CPD: variants seen among roughly 807,000 people sequenced by gnomAD.
The protein encoded by CPD is carboxypeptidase D, also known as metallocarboxypeptidase D.
A neutral mutation model predicts 138.3 loss-of-function variants in CPD; 69 were observed. The ratio of observed to expected loss-of-function variants is 0.50; its 90% CI spans 0.41 to 0.61. The LOEUF (loss-of-function observed/expected upper bound fraction) is 0.61. CPD is among the 20% of genes least tolerant of loss of function. The probability of loss-of-function intolerance (pLI) is 0.00; values close to 1 mark genes in which losing one functional copy is unlikely to be tolerated. For missense variants in CPD, 1,432 were observed against 1,733.3 expected, an observed-to-expected ratio of 0.83 and a Z score of 3.09; for synonymous variants, 651 against 642.1, an observed-to-expected ratio of 1.01 and a Z score of -0.21.
chr17:30,409,748 CTTCTTT>C (rs201239527), intron 2 of CPD, among the ~76,000 whole-genome samples: 76,788 of 150,466 alleles, frequency 0.51, 19,974 homozygotes, highest in East Asian at 0.81. Flanking sequence ...TCTCTCTTTT[CTTCTTT>C]ATTAGTCTTG....
intron 2 of CPD, among the ~76,000 whole-genome samples, chr17:30,388,334 A>G (rs1025477759): frequency 6.6e-6 from 1 of 152,060 alleles, no homozygotes; most frequent in African/African-American, 2.4e-5. Context: ...CCTTATACCC[A>G]GGAGCTAGTC....
At chr17:30,416,994 C>T (rs1172319437) in intron 2 of CPD, among the ~76,000 whole-genome samples, 1 of 151,292 alleles carries the variant, frequency 6.6e-6, no homozygotes, top group Non-Finnish European at 1.5e-5. Flanking sequence ...CCTAGGTACT[C>T]GGGAGGTTGA....
chr17:30,413,900 G>A (rs1179390357), intron 2 of CPD, among the ~76,000 whole-genome samples: 1 of 152,224 alleles, frequency 6.6e-6, no homozygotes, highest in Non-Finnish European at 1.5e-5. Context: ...GGAGCAGAGA[G>A]CTGGGGTTGA....
intron 17 of CPD, among the ~76,000 whole-genome samples, chr17:30,457,995 C>A (rs1913343747): frequency 6.6e-6 from 1 of 152,074 alleles, no homozygotes; most frequent in Admixed American, 6.5e-5. Context: ...GAGTTTGAGA[C>A]CAGCCTGGCC....
rs551146691 is a variant in CPD, at chr17:30,378,995, G to C, written c.15G>C (p.Arg5=). 5.2e-6 allele frequency: 8 copies of C among 1,543,050 alleles called. No individual in the cohort carries two copies. Among genetic ancestry groups the C allele is most frequent in the Non-Finnish European group, 2.6e-6 (3 of 1,155,222 alleles). The change falls in exon 1 of 21, where the codon CGG becomes CGC. Residue 5 remains arginine (R), a synonymous_variant. Transcript: ENST00000225719. MASG[R]DERPPWRLGR... ...GCTGCTGGAAGATGGCGAGCGGCCGGGACGAGCGGCCGCCTTGGCGGCTAG... is the reference window on the plus strand; with the variant it reads ...GCTGCTGGAAGATGGCGAGCGGCCGCGACGAGCGGCCGCCTTGGCGGCTAG...
intron 6 of CPD, among the ~76,000 whole-genome samples, chr17:30,426,787 TATC>T (rs1254309220): frequency 6.6e-6 from 1 of 152,218 alleles, no homozygotes; most frequent in African/African-American, 2.4e-5. Context: ...GAAAGGTTGT[TATC>T]ATCCTTGCTT....
chr17:30,464,689 C>T lies in CPD; in HGVS notation c.4018C>T (p.His1340Tyr). 1 of 1,613,966 alleles carries T rather than the reference C, an allele frequency of 6.2e-7. No homozygotes were observed. The highest frequency in any genetic ancestry group is 1.1e-5 in the South Asian group (1 of 91,074). ...GGATGGCTTTCATCGGCTCAGGCAG[C>T]ATCATGATGAGTATGAAGATGAAAT... ...HKDGFHRLRQ[H>Y]HDEYEDEIRM... The change falls in exon 21 of 21, where the codon CAT (histidine) becomes TAT (tyrosine). Residue 1340 changes from histidine (H) to tyrosine (Y), a missense_variant. Physicochemically the swap from His to Tyr is moderately conservative, Grantham distance 83 (BLOSUM62 2). This residue lies in a region of CPD where 366 missense variants were observed against 518.8 expected (regional missense o/e 0.71). Transcript: ENST00000225719.
intron 7 of CPD, among the ~76,000 whole-genome samples, chr17:30,428,231 A>G (rs2143431993): frequency 6.6e-6 from 1 of 152,312 alleles, no homozygotes; most frequent in East Asian, 1.9e-4. Flanking sequence ...ATGAGTGTCA[A>G]GATTAAAAAT....
intron 2 of CPD, among the ~76,000 whole-genome samples, chr17:30,413,990 C>T (rs1912036450): frequency 6.6e-6 from 1 of 152,142 alleles, no homozygotes; most frequent in Non-Finnish European, 1.5e-5. Context: ...TCAGGAGGTA[C>T]TTAGAGTATC....
Position 30,379,062 on chromosome 17 carries a change from T to C in CPD, c.82T>C (p.Ser28Pro). Reference sequence around the variant, plus strand: ...CATGTGCCTGCTGCTGCTGGGGAGCTCGGCCCGGGCGGCTCACATCAAGAA... The same window carrying C: ...CATGTGCCTGCTGCTGCTGGGGAGCCCGGCCCGGGCGGCTCACATCAAGAA... ...LLMCLLLLGS[S>P]ARAAHIKKAE... The change falls in exon 1 of 21, where the codon TCG becomes CCG. Residue 28 changes from serine to proline, a missense_variant. Around this residue, in one of 6 missense-constraint regions of CPD, gnomAD observed 484 missense variants for 477.2 expected, o/e 1.01. Coordinates refer to ENST00000225719, the MANE Select transcript of CPD (RefSeq NM_001304.5). This position sits in a 1 kb window ranked among gnomAD's most constrained non-coding sequence, Gnocchi z 7.0. 6.4e-7 allele frequency: 1 copy of C among 1,560,884 alleles called. No individual in the cohort carries two copies. Among genetic ancestry groups the C allele is most frequent in the Non-Finnish European group, 8.6e-7 (1 of 1,160,374 alleles).
chr17:30,394,434 G>C (rs2143330474), intron 2 of CPD, among the ~76,000 whole-genome samples: 1 of 152,140 alleles, frequency 6.6e-6, no homozygotes, highest in Admixed American at 6.5e-5. Flanking sequence ...TCCTACCTTC[G>C]AGAGCTTTTT....
rs775480002 is a variant in CPD at position 30,438,927 on chromosome 17, G to GGAAATACAACA, written c.2128-48_2128-47insGAAATACAACA. Reference sequence around the variant, plus strand: ...CTGTATCTTTCCAGTATTTTTTTTTGATGGAGATACAAACAAATAGAAGTA... The same window carrying GGAAATACAACA: ...CTGTATCTTTCCAGTATTTTTTTTTGGAAATACAACAATGGAGATACAAACAAATAGAAGTA... On this transcript the variant is annotated intron_variant, in intron 8 of 20. Coordinates refer to ENST00000225719, the MANE Select transcript of CPD (RefSeq NM_001304.5). 87 of 1,099,364 alleles carry GGAAATACAACA rather than the reference G, an allele frequency of 7.9e-5. No individual in the cohort carries two copies. The African/African-American group carries it at 1.3e-3, about 17-fold the overall frequency. The allele number at this position is 1,099,364 out of a possible 1,614,324, so 68.1% of individuals were successfully genotyped here. A position where few individuals can be genotyped will look rare whatever the true frequency, so the allele number is the denominator to read the frequency against.
chr17:30,439,394 C>CTTTT (rs71138889), intron 9 of CPD, among the ~76,000 whole-genome samples: 13 of 124,658 alleles, frequency 1.0e-4, no homozygotes, highest in African/African-American at 2.2e-4. Flanking sequence ...ACGTTACTTT[C>CTTTT]TTTTTTTTTT....
At chr17:30,380,804 G>A (rs117661945) in intron 1 of CPD, among the ~76,000 whole-genome samples, 308 of 152,156 alleles carry the variant, frequency 2.0e-3, no homozygotes, top group Non-Finnish European at 3.7e-3. Context: ...AAAATAAGAG[G>A]GAACTCACTC....
At position 30,385,215 on chromosome 17, in the gene CPD, G is replaced by A. The variant is rs373819167; in HGVS notation, c.973G>A (p.Ala325Thr). 6 of 1,613,998 alleles carry A rather than the reference G, an allele frequency of 3.7e-6. No homozygotes were observed. Among genetic ancestry groups the A allele is most frequent in the Non-Finnish European group, 5.1e-6 (6 of 1,179,918 alleles). ...ETFKDGITNG[A>T]HWYDVEGGMQ... Reference sequence around the variant, plus strand: ...TTTCAAAGATGGAATCACAAACGGCGCACATTGGTATGATGTGGAAGGTAT... The same window carrying A: ...TTTCAAAGATGGAATCACAAACGGCACACATTGGTATGATGTGGAAGGTAT... Residue 325 changes from alanine to threonine, a missense_variant, in exon 2 of 21, where the codon GCA becomes ACA. Transcript: ENST00000225719.
intron 2 of CPD, among the ~76,000 whole-genome samples, chr17:30,387,423 G>A (rs548599542): frequency 2.0e-5 from 3 of 152,266 alleles, no homozygotes; most frequent in Non-Finnish European, 2.9e-5. Context: ...GGCAAGAATT[G>A]TTAATACAAG....
At chr17:30,436,162 C>T (rs1195276673) in intron 8 of CPD, among the ~76,000 whole-genome samples, 1 of 152,042 alleles carries the variant, frequency 6.6e-6, no homozygotes, top group Admixed American at 6.6e-5. Flanking sequence ...AGACAACCCA[C>T]AGAAGCTGGG....
chr17:30,444,196 G>T (rs999517756), intron 11 of CPD: 6 of 391,390 alleles, frequency 1.5e-5, no homozygotes, highest in Admixed American at 7.7e-5. Flanking sequence ...TTATTGCTTA[G>T]TTGACTCATT....
chr17:30,443,429 G>A (rs1912933130), intron 10 of CPD, among the ~76,000 whole-genome samples: 1 of 152,084 alleles, frequency 6.6e-6, no homozygotes, highest in Non-Finnish European at 1.5e-5. Context: ...TTCATGCATT[G>A]CATTGGATTA....
Sources: allele counts gnomAD v4.1 joint callset (sites outside exome capture counted in the v4.1 genomes callset), GRCh38; gene constraint gnomAD v4.1.1; regional missense constraint gnomAD v4.1.1; non-coding constraint Gnocchi (gnomAD v3.1); transcripts MANE v1.5; gene names NCBI Gene and HGNC (gene_info 2026-07-23, HGNC 2026-07-21).